The following ACTR3C variants were observed in gnomAD, a reference collection of about 807,000 sequenced individuals.
ACTR3C encodes actin related protein 3C, also known as actin-related protein 3C.
In ACTR3C, 18 loss-of-function variants were observed where a neutral mutation model predicts 26.3. The ratio of observed to expected loss-of-function variants is 0.68; its 90% CI spans 0.47 to 1.01. The LOEUF (loss-of-function observed/expected upper bound fraction) is 1.01, where lower values mean the gene tolerates loss of function less well. ACTR3C is among the 50% of genes least tolerant of loss of function. ACTR3C has a pLI of 0.00. For synonymous variants in ACTR3C, 55 were observed against 94.5 expected (o/e 0.58, Z 2.42); for missense variants, 184 against 250.7 (o/e 0.73, Z 1.80).
downstream of ACTR3C, among the ~76,000 whole-genome samples, chr7:150,240,635 A>T (rs1280089326): frequency 2.0e-5 from 3 of 152,168 alleles, no homozygotes; most frequent in African/African-American, 7.2e-5. Flanking sequence ...ATATGGGTAT[A>T]AAAAAATTAA....
the ACTR3C span, among the ~76,000 whole-genome samples, chr7:149,959,372 C>T: frequency 6.6e-6 from 1 of 152,152 alleles, no homozygotes; most frequent in Non-Finnish European, 1.5e-5. Flanking sequence ...CCTGTCTTCA[C>T]AGATTCCAAT....
chr7:149,907,871 G>A, the ACTR3C span, among the ~76,000 whole-genome samples: 171 of 152,002 alleles, frequency 1.1e-3, 2 homozygotes, highest in South Asian at 0.032. Flanking sequence ...TGGAATGATC[G>A]GGTTCTGGGG....
the ACTR3C span, among the ~76,000 whole-genome samples, chr7:150,042,344 G>T: frequency 3.2e-5 from 4 of 124,934 alleles, no homozygotes; most frequent in African/African-American, 9.9e-5. Context: ...CCTCGCGGGG[G>T]GTGCCTCCGC....
At chr7:150,048,273 T>G in the ACTR3C span, among the ~76,000 whole-genome samples, 8 of 147,458 alleles carry the variant, frequency 5.4e-5, no homozygotes, top group Admixed American at 2.0e-4. Context: ...TTCCGAGCGC[T>G]CTCCTCGCTC....
At chr7:150,091,513 C>A in the ACTR3C span, among the ~76,000 whole-genome samples, 1 of 38,680 alleles carries the variant, frequency 2.6e-5, no homozygotes, top group African/African-American at 8.2e-5. Context: ...GAAACACAAC[C>A]TATTAAGACT....
chr7:150,034,014 A>G, the ACTR3C span, among the ~76,000 whole-genome samples: 16 of 150,074 alleles, frequency 1.1e-4, no homozygotes, highest in African/African-American at 3.7e-4. Flanking sequence ...CCCCCCTGCG[A>G]TGGTGGTCCC....
the ACTR3C span, among the ~76,000 whole-genome samples, chr7:150,109,651 C>T: frequency 6.7e-6 from 1 of 149,610 alleles, no homozygotes; most frequent in East Asian, 1.9e-4. Context: ...ATTCTAGGGA[C>T]CCCTTTATCC....
At chr7:150,037,386 C>A in the ACTR3C span, among the ~76,000 whole-genome samples, 1 of 58,302 alleles carries the variant, frequency 1.7e-5, no homozygotes, top group African/African-American at 4.9e-5. Flanking sequence ...GTGCCTCCCC[C>A]CTCTGCGATG....
At chr7:150,112,151 G>A in the ACTR3C span, among the ~76,000 whole-genome samples, 2 of 150,782 alleles carry the variant, frequency 1.3e-5, no homozygotes, top group Non-Finnish European at 3.0e-5. Context: ...AGGAAGCACC[G>A]CTTGGAGCAC....
At chr7:149,912,648 G>A in the ACTR3C span, among the ~76,000 whole-genome samples, 3 of 151,690 alleles carry the variant, frequency 2.0e-5, no homozygotes, top group East Asian at 1.9e-4. Context: ...AATTACAGGC[G>A]CCTGCCACCA....
the ACTR3C span, among the ~76,000 whole-genome samples, chr7:150,123,372 A>G: frequency 2.6e-5 from 4 of 152,210 alleles, no homozygotes; most frequent in South Asian, 8.3e-4. Flanking sequence ...TAAATGTGAT[A>G]TAATAGAGGG....
chr7:150,107,159 T>C, the ACTR3C span, among the ~76,000 whole-genome samples: 4 of 145,780 alleles, frequency 2.7e-5, 1 homozygote, highest in Admixed American at 1.3e-4. Context: ...CCAGCTGTGG[T>C]TTGTTGTCAT....
chr7:150,201,959 C>T, the ACTR3C span, among the ~76,000 whole-genome samples: 1 of 152,170 alleles, frequency 6.6e-6, no homozygotes. Context: ...TGCCTCACAG[C>T]ATCACTTGGA....
At chr7:150,035,351 GTCCCCACCC>G in the ACTR3C span, among the ~76,000 whole-genome samples, 28 of 55,704 alleles carry the variant, frequency 5.0e-4, 1 homozygote, top group African/African-American at 1.2e-3. Context: ...ATAGCTCTCA[GTCCCCACCC>G]TCGCGGGCGG....
chr7:150,012,318 T>TTTTTTTTTTTTA, the ACTR3C span, among the ~76,000 whole-genome samples: 5 of 46,428 alleles, frequency 1.1e-4, no homozygotes, highest in East Asian at 8.4e-3. Context: ...TAAATGCATC[T>TTTTTTTTTTTTA]TTTTTTTTTT....
At chr7:150,213,722 T>C in the ACTR3C span, among the ~76,000 whole-genome samples, 1 of 151,044 alleles carries the variant, frequency 6.6e-6, no homozygotes, top group African/African-American at 2.4e-5. Flanking sequence ...AGCATTAAAG[T>C]AGGTTTTGCT....
chr7:150,005,612 G>C, the ACTR3C span, among the ~76,000 whole-genome samples: 16 of 152,066 alleles, frequency 1.1e-4, no homozygotes, highest in Non-Finnish European at 1.9e-4. Context: ...ATGTGGTGAG[G>C]GGGGGAAGAG....
At chr7:149,923,362 C>CA in the ACTR3C span, among the ~76,000 whole-genome samples, 43 of 151,784 alleles carry the variant, frequency 2.8e-4, no homozygotes, top group Non-Finnish European at 1.8e-4. Flanking sequence ...AAAAGCAAAA[C>CA]AATATTTTGG....
chr7:149,959,056 A>G, the ACTR3C span, among the ~76,000 whole-genome samples: 2 of 152,214 alleles, frequency 1.3e-5, no homozygotes, highest in Admixed American at 1.3e-4. Flanking sequence ...TCCCATGTAA[A>G]TCACCAACAG....
Sources: gnomAD v4.1 joint callset for allele counts (sites outside exome capture counted in the v4.1 genomes callset) on GRCh38, gnomAD v4.1.1 for gene constraint, MANE v1.5 for transcripts, NCBI Gene and HGNC (gene_info 2026-07-23, HGNC 2026-07-21) for gene names.